IMMT: variants seen among roughly 807,000 people sequenced by gnomAD.
The protein encoded by IMMT is inner membrane mitochondrial protein.
IMMT carries 40 observed loss-of-function variants against 92.7 expected under a neutral mutation model. That is an observed-to-expected ratio of 0.43 (90% confidence interval 0.34 to 0.56). IMMT has a LOEUF of 0.56. Ranked by LOEUF, IMMT falls within the 20% of genes least tolerant of loss-of-function variation. The pLI, the probability that IMMT is intolerant of heterozygous loss-of-function variation, is 0.03. For synonymous variants in IMMT, 322 were observed against 336.1 expected (o/e 0.96, Z 0.46); for missense variants, 831 against 912.1 (o/e 0.91, Z 1.14).
At chr2:86,169,772 C>A (rs1337801103) in intron 6 of IMMT, among the ~76,000 whole-genome samples, 1 of 148,792 alleles carries the variant, frequency 6.7e-6, no homozygotes, top group African/African-American at 2.6e-5. Context: ...AAAAACTTGG[C>A]CAGGTGTGGT....
intron 6 of IMMT, among the ~76,000 whole-genome samples, chr2:86,168,038 G>A (rs933462339): frequency 4.6e-5 from 7 of 152,164 alleles, no homozygotes; most frequent in Non-Finnish European, 8.8e-5. Flanking sequence ...AAACACTTAT[G>A]TTGACAAGAT....
At position 86,167,046 on chromosome 2, in the gene IMMT, C is replaced by T. The variant is rs368630183; in HGVS notation, c.656-402G>A. ...CTGGGAGGTGGAGCTTGCAGTGAGC[C>T]GAGATCATGCCACTGCACTCTAGCC... On this transcript the variant is annotated intron_variant, in intron 6 of 14. Transcript: ENST00000410111. Among the ~76,000 whole-genome samples the T allele has an allele frequency of 3.4e-4, 50 of 147,642 alleles. 2 individuals carry two copies. The highest frequency in any genetic ancestry group is 1.2e-3 in the African/African-American group (47 of 40,030).
In IMMT at chr2:86,147,762, A is replaced by G; in HGVS notation, c.1473T>C (p.Thr491=). The change falls in exon 13 of 15, where the codon ACT becomes ACC. Residue 491 remains threonine (T), a synonymous_variant. Transcript: ENST00000410111. ...CCCTAAGGACATCTCGCAAGTGATC[A>G]GTGTGGGCAGCTGCCTGTCGGCGAA... ...TQLRRQAAAH[T]DHLRDVLRVQ... 1.2e-6 allele frequency: 2 copies of G among 1,613,984 alleles called. No individual in the cohort carries two copies. Among genetic ancestry groups the G allele is most frequent in the East Asian group, 2.2e-5 (1 of 44,894 alleles).
In IMMT at chr2:86,171,955, GTATATTT is replaced by G. The variant is rs747300506; in HGVS notation, c.422-617_422-611del. On this transcript the variant is annotated intron_variant, in intron 4 of 14. Coordinates refer to ENST00000410111, the MANE Select transcript of IMMT (RefSeq NM_006839.3). ...ACTCAATCAATTTTTTGTGTGTGTA[GTATATTT>G]TTTTTTTTTTTTTTTTTTTTTGAGA... Among the ~76,000 whole-genome samples, 27 of 93,448 alleles carry G rather than the reference GTATATTT, an allele frequency of 2.9e-4. 1 individual carries two copies. Among genetic ancestry groups the G allele is most frequent in the African/African-American group, 9.5e-4 (23 of 24,122 alleles). 61.3% of individuals were successfully genotyped at this position (93,448 alleles called of 152,430 possible). A position where few individuals can be genotyped will look rare whatever the true frequency, so the allele number is the denominator to read the frequency against.
intron 3 of IMMT, 120 bp downstream of exon 3, chr2:86,179,312 CA>C: frequency 1.3e-6 from 1 of 744,366 alleles, no homozygotes; most frequent in Middle Eastern, 3.9e-4. Context: ...TTTTTGTATC[CA>C]CAGGAGGTCC....
chr2:86,174,841 C>G (rs1677324905), intron 3 of IMMT, among the ~76,000 whole-genome samples: 1 of 152,162 alleles, frequency 6.6e-6, no homozygotes, highest in Admixed American at 6.6e-5. Flanking sequence ...ATTTGGTCAA[C>G]TTCTCCTCTA....
At chr2:86,184,935 TC>T (rs1672658379) in intron 1 of IMMT, among the ~76,000 whole-genome samples, 1 of 152,152 alleles carries the variant, frequency 6.6e-6, no homozygotes, top group Non-Finnish European at 1.5e-5. Flanking sequence ...ACGCCTGTAA[TC>T]CCAGCACTTT....
At position 86,166,635 on chromosome 2, in the gene IMMT, T is replaced by A; in HGVS notation, c.665A>T (p.Lys222Met). 2.5e-6 allele frequency: 4 copies of A among 1,602,248 alleles called. No individual in the cohort carries two copies. The highest frequency in any genetic ancestry group is 3.4e-6 in the Non-Finnish European group (4 of 1,176,464). ...QEQVKIESLA[K>M]SLEDALRQTA... The stretch of plus-strand genomic sequence containing the variant: ...TTGCCTCAGAGCATCTTCTAAGCTC[T>A]TGGCTAGAGCTTAAAAAAAAAAAAG... Residue 222 changes from lysine to methionine, a missense_variant, in exon 7 of 15, where the codon AAG becomes ATG. Physicochemically the swap from Lys to Met is moderately conservative, Grantham distance 95 (BLOSUM62 -1). Transcript: ENST00000410111.
chr2:86,161,708 G>A (rs935960644), intron 8 of IMMT, among the ~76,000 whole-genome samples: 3 of 151,644 alleles, frequency 2.0e-5, no homozygotes, highest in African/African-American at 7.3e-5. Context: ...TAGAGACGGG[G>A]TTTCACCATG....
chr2:86,173,425 A>C (rs1484429656), intron 4 of IMMT: 2 of 403,216 alleles, frequency 5.0e-6, no homozygotes, highest in African/African-American at 4.2e-5. Context: ...TACTAAAAAT[A>C]GAAAATTAGC....
At chr2:86,162,156 A>G (rs1437645700) in intron 7 of IMMT, 77 bp from the exon 8 acceptor site, 1 of 841,980 alleles carries the variant, frequency 1.2e-6, no homozygotes, top group East Asian at 3.0e-5. Flanking sequence ...TTGAACACAG[A>G]AACATGTGAC....
At chr2:86,151,155 G>GT in intron 12 of IMMT, 142 bp downstream of exon 12, 1 of 687,258 alleles carries the variant, frequency 1.5e-6, no homozygotes, top group South Asian at 1.8e-5. Flanking sequence ...TGACCACAAG[G>GT]GATCCACCCA....
intron 2 of IMMT, among the ~76,000 whole-genome samples, chr2:86,180,557 C>T (rs1337154882): frequency 6.6e-6 from 1 of 151,736 alleles, no homozygotes; most frequent in Non-Finnish European, 1.5e-5. Context: ...TGAGCCACCA[C>T]GCCCGGCCTA....
intron 13 of IMMT, 83 bp from the exon 14 acceptor site, chr2:86,146,280 G>T: frequency 7.9e-7 from 1 of 1,269,210 alleles, no homozygotes; most frequent in Non-Finnish European, 1.1e-6. Flanking sequence ...GCAACTACTT[G>T]CTGAAGCAAA....
chr2:86,164,516 C>A (rs1329204058), intron 7 of IMMT, among the ~76,000 whole-genome samples: 1 of 151,654 alleles, frequency 6.6e-6, no homozygotes, highest in East Asian at 1.9e-4. Context: ...CATAGTGAAA[C>A]CCTCTCTGTA....
chr2:86,146,735 G>A (rs976359679), intron 13 of IMMT, among the ~76,000 whole-genome samples: 1 of 151,990 alleles, frequency 6.6e-6, no homozygotes, highest in Non-Finnish European at 1.5e-5. Context: ...GAAGAGAGAA[G>A]GCTGTTAAAG....
intron 3 of IMMT, among the ~76,000 whole-genome samples, chr2:86,176,472 G>T (rs1295169608): frequency 1.3e-5 from 2 of 152,124 alleles, no homozygotes; most frequent in African/African-American, 4.8e-5. Context: ...AGACAATTTG[G>T]ATATGAAGTG....
At chr2:86,169,710 A>C (rs1465114974) in intron 6 of IMMT, among the ~76,000 whole-genome samples, 3 of 148,846 alleles carry the variant, frequency 2.0e-5, no homozygotes, top group African/African-American at 7.8e-5. Flanking sequence ...ACCATCAAAA[A>C]ATTTAAGAAT....
chr2:86,166,246 G>C (rs1357748287), intron 7 of IMMT, among the ~76,000 whole-genome samples: 2 of 152,092 alleles, frequency 1.3e-5, no homozygotes, highest in Non-Finnish European at 2.9e-5. Context: ...CAGGAGAATC[G>C]CTTGAACCTG....
Sources: allele counts gnomAD v4.1 joint callset (sites outside exome capture counted in the v4.1 genomes callset), GRCh38; gene constraint gnomAD v4.1.1; transcripts MANE v1.5; gene names NCBI Gene and HGNC (gene_info 2026-07-23, HGNC 2026-07-21).